Variants in CDS1 observed in about 807,000 individuals in gnomAD.
CDS1 encodes CDP-diacylglycerol synthase 1, also known as phosphatidate cytidylyltransferase 1.
A neutral mutation model predicts 62.1 loss-of-function variants in CDS1; 41 were observed. That is an observed-to-expected ratio of 0.66 (90% confidence interval 0.51 to 0.86). CDS1 has a LOEUF of 0.86. Among genes scored for constraint, CDS1 ranks in the 40% least tolerant of loss-of-function variants. The probability of loss-of-function intolerance (pLI) is 0.00; values close to 1 mark genes in which losing one functional copy is unlikely to be tolerated. For missense variants in CDS1, 470 were observed against 550.1 expected (o/e 0.85, Z 1.46); for synonymous variants, 185 against 192.6 (o/e 0.96, Z 0.32).
chr4:84,635,680 TTCC>T (rs1724179953), intron 8 of CDS1, among the ~76,000 whole-genome samples: 1 of 72,654 alleles, frequency 1.4e-5, no homozygotes, highest in Admixed American at 1.7e-4. Flanking sequence ...CCTTCCTTCC[TTCC>T]TTCCTTCCCT....
chr4:84,596,222 GGCTGAGGA>G (rs1722744856), intron 1 of CDS1, among the ~76,000 whole-genome samples: 2 of 152,060 alleles, frequency 1.3e-5, no homozygotes, highest in Non-Finnish European at 2.9e-5. Flanking sequence ...GCACAAAATG[GGCTGAGGA>G]GCTCCCCTAG....
Position 84,643,112 on chromosome 4 carries a change from C to G in CDS1, c.1121C>G (p.Ala374Gly). The stretch of plus-strand genomic sequence containing the variant: ...ATTGGCCCATTTGGAGGCTTCTTTG[C>G]TAGTGGATTCAAAAGAGCCTTCAAA... Reference protein sequence around the residue: ...SLIGPFGGFFASGFKRAFKIK... With the variant: ...SLIGPFGGFFGSGFKRAFKIK... The change falls in exon 11 of 13, where the codon GCT becomes GGT. Residue 374 changes from alanine (A) to glycine (G), a missense_variant. Physicochemically the swap from Ala to Gly is moderately conservative, Grantham distance 60 (BLOSUM62 0). Around this residue, in one of 5 missense-constraint regions of CDS1, gnomAD observed 214 missense variants for 242.4 expected, o/e 0.88. Transcript: ENST00000295887. 6.2e-7 allele frequency: 1 copy of G among 1,612,898 alleles called. No homozygotes were observed. Among genetic ancestry groups the G allele is most frequent in the Non-Finnish European group, 8.5e-7 (1 of 1,179,322 alleles).
intron 1 of CDS1, among the ~76,000 whole-genome samples, chr4:84,602,507 G>T (rs576607557): frequency 1.3e-5 from 2 of 152,230 alleles, no homozygotes; most frequent in South Asian, 2.1e-4. Flanking sequence ...TTTGCTGTTT[G>T]TCTCACTGCT....
intron 3 of CDS1, among the ~76,000 whole-genome samples, chr4:84,610,956 A>G (rs1366109141): frequency 3.3e-5 from 5 of 152,234 alleles, no homozygotes; most frequent in African/African-American, 9.6e-5. Context: ...ATGACTATAT[A>G]TAATTACAAA....
intron 2 of CDS1, among the ~76,000 whole-genome samples, chr4:84,606,070 T>G (rs1014352737): frequency 2.6e-5 from 4 of 151,716 alleles, no homozygotes; most frequent in Non-Finnish European, 4.4e-5. Flanking sequence ...TCTACAAAGA[T>G]TACATGAATG....
intron 5 of CDS1, among the ~76,000 whole-genome samples, chr4:84,631,458 G>T (rs1221434482): frequency 3.3e-5 from 5 of 152,134 alleles, no homozygotes; most frequent in African/African-American, 4.8e-5. Flanking sequence ...TGTAGAGATT[G>T]AAAACATTCT....
intron 3 of CDS1, among the ~76,000 whole-genome samples, chr4:84,611,962 T>C (rs369691462): frequency 3.5e-4 from 53 of 152,120 alleles, no homozygotes; most frequent in African/African-American, 1.2e-3. Flanking sequence ...TTTTCAATGC[T>C]AGGTGGTGAG....
intron 3 of CDS1, among the ~76,000 whole-genome samples, chr4:84,613,347 G>A (rs912994640): frequency 6.6e-6 from 1 of 152,074 alleles, no homozygotes; most frequent in Non-Finnish European, 1.5e-5. Flanking sequence ...AGTGGCTCAC[G>A]CCTGTAATCT....
chr4:84,596,918 G>A (rs1294175191), intron 1 of CDS1, among the ~76,000 whole-genome samples: 1 of 152,198 alleles, frequency 6.6e-6, no homozygotes, highest in Admixed American at 6.5e-5. Context: ...TGTGGGGAGC[G>A]CAGAAGCTTT....
At position 84,607,464 on chromosome 4, in the gene CDS1, A is replaced by G. The variant is rs533009357; in HGVS notation, c.246-1965A>G. ...CCCGCCCCTCAGTATCGGGGACCACAGGTGAGTACCACCACGCGCAGCTAA... is the reference window on the plus strand; with the variant it reads ...CCCGCCCCTCAGTATCGGGGACCACGGGTGAGTACCACCACGCGCAGCTAA... On this transcript the variant is annotated intron_variant, in intron 2 of 12. Transcript: ENST00000295887. 5.5e-5 allele frequency among the ~76,000 whole-genome samples: 8 copies of G among 145,484 alleles called. No individual in the cohort carries two copies. The South Asian group carries it at 1.9e-3, about 34-fold the overall frequency.
chr4:84,622,423 T>C (rs977637907), intron 5 of CDS1, among the ~76,000 whole-genome samples: 2 of 151,956 alleles, frequency 1.3e-5, no homozygotes, highest in Non-Finnish European at 1.5e-5. Context: ...ACCCGATCTC[T>C]ACTAAAAATA....
rs1328214165 is a variant in CDS1 at position 84,651,288 on chromosome 4, T to C, written c.*2602T>C. 1 of 152,222 alleles carries C rather than the reference T, an allele frequency of 6.6e-6. No individual in the cohort carries two copies. Among genetic ancestry groups the C allele is most frequent in the African/African-American group, 2.4e-5 (1 of 41,454 alleles). The allele number at this position is 152,222 out of a possible 1,614,324, so 9.4% of individuals were successfully genotyped here. A position where few individuals can be genotyped will look rare whatever the true frequency, so the allele number is the denominator to read the frequency against. ...GATGTGTGTCAATCAGTTCTCTGAA[T>C]CTTTTACTGAAACTGAGACAGGAAA... On this transcript the variant is annotated 3_prime_UTR_variant, in exon 13 of 13. Coordinates refer to ENST00000295887, the MANE Select transcript of CDS1 (RefSeq NM_001263.4).
intron 1 of CDS1, among the ~76,000 whole-genome samples, chr4:84,591,549 C>T (rs1254909588): frequency 6.6e-6 from 1 of 152,032 alleles, no homozygotes; most frequent in African/African-American, 2.4e-5. Flanking sequence ...TATGGACTTT[C>T]CCTGCATGGA....
intron 5 of CDS1, among the ~76,000 whole-genome samples, chr4:84,629,638 G>A (rs1025067825): frequency 2.0e-5 from 3 of 152,150 alleles, no homozygotes; most frequent in African/African-American, 7.2e-5. Context: ...ACTGAGAGAT[G>A]ACTATATTTA....
chr4:84,604,282 A>G lies in CDS1; in HGVS notation c.157A>G (p.Arg53Gly). The G allele has an allele frequency of 6.2e-7, 1 of 1,612,150 alleles. No individual in the cohort carries two copies. The highest frequency in any genetic ancestry group is 8.5e-7 in the Non-Finnish European group (1 of 1,178,306). Residue 53 changes from arginine to glycine, a missense_variant, in exon 2 of 13, where the codon AGA (arginine) becomes GGA (glycine). Coordinates refer to ENST00000295887, the MANE Select transcript of CDS1 (RefSeq NM_001263.4). ...IDDRYGDLDS[R>G]TDSDIPEIPP... ...TGACAGATATGGAGATTTGGATTCC[A>G]GAACAGATTCTGATATTCCGGAAAT...
At chr4:84,592,658 A>C (rs772277714) in intron 1 of CDS1, among the ~76,000 whole-genome samples, 26 of 152,256 alleles carry the variant, frequency 1.7e-4, no homozygotes, top group Non-Finnish European at 3.7e-4. Flanking sequence ...TGAAAGGCAC[A>C]GGATGGGAGA....
chr4:84,594,414 A>G (rs1012624507), intron 1 of CDS1, among the ~76,000 whole-genome samples: 3 of 152,170 alleles, frequency 2.0e-5, no homozygotes, highest in African/African-American at 7.2e-5. Flanking sequence ...TCTTCCTTAT[A>G]CAAATACTTT....
intron 1 of CDS1, among the ~76,000 whole-genome samples, chr4:84,596,290 A>C (rs1326182872): frequency 6.6e-6 from 1 of 152,188 alleles, no homozygotes; most frequent in Non-Finnish European, 1.5e-5. Flanking sequence ...GTCTTAAAAT[A>C]ATATAAACTT....
chr4:84,589,350 T>C (rs1186485640), intron 1 of CDS1, among the ~76,000 whole-genome samples: 1 of 152,216 alleles, frequency 6.6e-6, no homozygotes, highest in Non-Finnish European at 1.5e-5. Context: ...TATTTTGTTA[T>C]TGTAAAAGCC....
Sources: gnomAD v4.1 joint callset for allele counts (sites outside exome capture counted in the v4.1 genomes callset) on GRCh38, gnomAD v4.1.1 for gene constraint, gnomAD v4.1.1 regional missense constraint, MANE v1.5 for transcripts, NCBI Gene and HGNC (gene_info 2026-07-23, HGNC 2026-07-21) for gene names.